Variants in MAST2 observed in about 807,000 individuals in gnomAD.
The protein encoded by MAST2 is microtubule-associated serine/threonine-protein kinase 2.
In MAST2, 70 loss-of-function variants were observed where a neutral mutation model predicts 147.4. The ratio of observed to expected loss-of-function variants is 0.47; its 90% CI spans 0.39 to 0.58. The LOEUF (loss-of-function observed/expected upper bound fraction) is 0.58, where lower values mean the gene tolerates loss of function less well. Ranked by LOEUF, MAST2 falls within the 20% of genes least tolerant of loss-of-function variation. MAST2 has a pLI of 0.00. For missense variants in MAST2, 2,080 were observed against 2,302.3 expected (o/e 0.90, Z 1.98); for synonymous variants, 869 against 896.8 (o/e 0.97, Z 0.55).
chr1:46,035,312 CGTCCAGAGACCCTA>C lies in MAST2; in HGVS notation c.4645_4658del (p.Ser1549GlufsTer37). 6.2e-7 allele frequency: 1 copy of C among 1,613,918 alleles called. No homozygotes were observed. ...GAGAGTGGGGAAGAGGATCCTTTCC[CGTCCAGAGACCCTA>C]GGAGCCTGGGCCCAATGGTCCCAAG... On this transcript the variant is annotated frameshift_variant, in exon 29 of 29. Transcript: ENST00000361297. LOFTEE classifies it low-confidence loss of function (END_TRUNC). The surrounding 1 kb of genome is among the most constrained non-coding windows in gnomAD (Gnocchi z 5.5).
rs1264325674 is a variant in MAST2, at chr1:46,031,256, G to A, written c.2958G>A (p.Glu986=). The A allele has an allele frequency of 6.5e-7, 1 of 1,536,300 alleles. No homozygotes were observed. Among genetic ancestry groups the A allele is most frequent in the Non-Finnish European group, 8.8e-7 (1 of 1,139,006 alleles). The stretch of plus-strand genomic sequence containing the variant: ...GGGAGCAGCGGCCAAAGCTGGATGA[G>A]GAAGCTGTTGGCCGGAGCAGTGGTT... ...HSGEQRPKLD[E]EAVGRSSGSS... Residue 986 remains glutamate, a synonymous_variant, in exon 23 of 29, where the codon GAG becomes GAA. Coordinates refer to ENST00000361297, the MANE Select transcript of MAST2 (RefSeq NM_015112.3). The surrounding 1 kb of genome is among the most constrained non-coding windows in gnomAD (Gnocchi z 4.1).
chr1:45,811,387 C>T (rs1644293577), intron 1 of MAST2, among the ~76,000 whole-genome samples: 2 of 143,236 alleles, frequency 1.4e-5, no homozygotes, highest in South Asian at 2.2e-4. Context: ...CGCCCAGACT[C>T]GAGTGCAGTG....
rs1357907665 is a variant in MAST2 at position 46,021,934 on chromosome 1, C to T, written c.1291-16C>T. 6 of 1,613,792 alleles carry T rather than the reference C, an allele frequency of 3.7e-6. No individual in the cohort carries two copies. Among genetic ancestry groups the T allele is most frequent in the Non-Finnish European group, 5.1e-6 (6 of 1,179,772 alleles). ...TTATATCTGTCACCACTGACTATCT[C>T]TCTCCCTTGGTACAGGAGTTTGACC... On this transcript the variant is annotated splice_polypyrimidine_tract_variant and intron_variant, in intron 11 of 28. Coordinates refer to ENST00000361297, the MANE Select transcript of MAST2 (RefSeq NM_015112.3).
rs1645831937 is a variant in MAST2 at position 46,014,148 on chromosome 1, CT to C, written c.1188+3210del. 2.0e-5 allele frequency among the ~76,000 whole-genome samples: 3 copies of C among 150,644 alleles called. No homozygotes were observed. The South Asian group carries it at 6.4e-4, about 32-fold the overall frequency. ...TCTTCGTTTTCATTGATTTTTAATA[CT>C]ATTTAATTTGATTATGTATTTTTCT... On this transcript the variant is annotated intron_variant, in intron 10 of 28. Coordinates refer to ENST00000361297, the MANE Select transcript of MAST2 (RefSeq NM_015112.3).
intron 9 of MAST2, 65 bp downstream of exon 9, chr1:46,008,436 A>G (rs143152123): frequency 2.8e-4 from 284 of 1,027,518 alleles, no homozygotes; most frequent in Middle Eastern, 4.1e-4. Context: ...GCCAGCCCCA[A>G]TGGGAGACTC....
chr1:45,850,752 G>A (rs774945836), intron 3 of MAST2, among the ~76,000 whole-genome samples: 27 of 151,396 alleles, frequency 1.8e-4, no homozygotes, highest in Non-Finnish European at 4.4e-5. Context: ...CTAAAGATCA[G>A]AAGATTGTAG....
chr1:46,019,218 C>T (rs1646083608), intron 10 of MAST2, among the ~76,000 whole-genome samples: 1 of 152,172 alleles, frequency 6.6e-6, no homozygotes, highest in African/African-American at 2.4e-5. Flanking sequence ...ACTTTCTGGT[C>T]ATATGACTCC....
intron 5 of MAST2, among the ~76,000 whole-genome samples, chr1:45,962,808 G>A (rs536878394): frequency 1.3e-5 from 2 of 152,074 alleles, no homozygotes; most frequent in Non-Finnish European, 2.9e-5. Flanking sequence ...GGCTTTTGTT[G>A]CCATTGCTTT....
At chr1:45,832,886 A>G (rs1450891609) in intron 3 of MAST2, among the ~76,000 whole-genome samples, 2 of 152,142 alleles carry the variant, frequency 1.3e-5, no homozygotes, top group Non-Finnish European at 2.9e-5. Flanking sequence ...CACTGTAGTC[A>G]ATTTAAGAAT....
At chr1:45,807,248 G>A (rs1037773003) in intron 1 of MAST2, among the ~76,000 whole-genome samples, 1 of 151,940 alleles carries the variant, frequency 6.6e-6, no homozygotes, top group African/African-American at 2.4e-5. Context: ...GCTCTCTTGT[G>A]TGTCTTTGTC....
At chr1:46,024,076 C>A in intron 15 of MAST2, 96 bp downstream of exon 15, 1 of 1,199,568 alleles carries the variant, frequency 8.3e-7, no homozygotes, top group Non-Finnish European at 1.2e-6. Flanking sequence ...GGTGAAGTTT[C>A]AGGGCCCAGC....
chr1:45,866,402 A>G (rs114628707), intron 3 of MAST2, among the ~76,000 whole-genome samples: 3,756 of 152,320 alleles, frequency 0.025, 164 homozygotes, highest in African/African-American at 0.086. Context: ...TCTCATAAGT[A>G]GTGATGTATG....
At chr1:45,966,900 G>A (rs1200500768) in intron 5 of MAST2, among the ~76,000 whole-genome samples, 3 of 125,272 alleles carry the variant, frequency 2.4e-5, no homozygotes, top group South Asian at 2.7e-4. Flanking sequence ...AGGGTCTCAC[G>A]CCATCATTCA....
chr1:45,837,365 C>T (rs1218174912), intron 3 of MAST2, among the ~76,000 whole-genome samples: 1 of 152,252 alleles, frequency 6.6e-6, no homozygotes, highest in Non-Finnish European at 1.5e-5. Context: ...GGAATGGAAT[C>T]ATACAGTATA....
intron 3 of MAST2, chr1:45,865,113 A>G (rs764557318): frequency 2.2e-6 from 1 of 456,538 alleles, no homozygotes; most frequent in Non-Finnish European, 4.4e-6. Context: ...GGATGATTCC[A>G]GTATTCTGAG....
chr1:45,917,244 G>A, intron 4 of MAST2: 2 of 733,294 alleles, frequency 2.7e-6, no homozygotes, highest in Middle Eastern at 7.1e-4. Flanking sequence ...CTTTTCTTGA[G>A]CTTTTTGCCT....
At chr1:45,862,188 A>G (rs1225150971) in intron 3 of MAST2, among the ~76,000 whole-genome samples, 1 of 152,240 alleles carries the variant, frequency 6.6e-6, no homozygotes, top group Non-Finnish European at 1.5e-5. Flanking sequence ...TGAGCAGGTT[A>G]CACACTACTC....
chr1:46,033,178 G>C (rs1646750582), intron 26 of MAST2, among the ~76,000 whole-genome samples: 1 of 151,748 alleles, frequency 6.6e-6, no homozygotes, highest in Non-Finnish European at 1.5e-5. Context: ...GGAGGCTGAG[G>C]AAGGAGAATT....
chr1:45,979,436 T>TGG (rs1557996810), intron 5 of MAST2, among the ~76,000 whole-genome samples: 1 of 149,518 alleles, frequency 6.7e-6, no homozygotes, highest in Non-Finnish European at 1.5e-5. Flanking sequence ...TTTGTTTTTT[T>TGG]TTTTTTTTTT....
Sources: allele counts gnomAD v4.1 joint callset (sites outside exome capture counted in the v4.1 genomes callset), GRCh38; gene constraint gnomAD v4.1.1; non-coding constraint Gnocchi (gnomAD v3.1); transcripts MANE v1.5; gene names NCBI Gene and HGNC (gene_info 2026-07-23, HGNC 2026-07-21).